Variants in HADH observed in about 807,000 individuals in gnomAD.
HADH encodes hydroxyacyl-coenzyme A dehydrogenase, mitochondrial.
A neutral mutation model predicts 32.2 loss-of-function variants in HADH; 24 were observed. That is an observed-to-expected ratio of 0.75 (90% CI 0.54 to 1.05). The LOEUF (loss-of-function observed/expected upper bound fraction) is 1.05. Among genes scored for constraint, HADH ranks in the 50% least tolerant of loss-of-function variants. HADH has a pLI of 0.00. For synonymous variants in HADH, 139 were observed against 152.5 expected, an observed-to-expected ratio of 0.91 and a Z score of 0.65; for missense variants, 350 against 397.1, an observed-to-expected ratio of 0.88 and a Z score of 1.01.
Position 108,021,083 on chromosome 4 carries a change from T to C in HADH, c.546+1417T>C, listed in dbSNP as rs867440497. Reference sequence around the variant, plus strand: ...CCCTAAGGCTGATTTTTTGAAGAAATTGAAGAATGAAGGGGAGGGATTTGG... The same window carrying C: ...CCCTAAGGCTGATTTTTTGAAGAAACTGAAGAATGAAGGGGAGGGATTTGG... On this transcript the variant is annotated intron_variant, in intron 4 of 7. Transcript: ENST00000309522. Among the ~76,000 whole-genome samples the C allele has an allele frequency of 9.2e-5, 14 of 152,216 alleles. No homozygotes were observed. In the Middle Eastern group the frequency reaches 0.014, roughly 148 times the overall value.
chr4:108,032,122 TCCC>T, intron 6 of HADH: 1 of 293,416 alleles, frequency 3.4e-6, no homozygotes, highest in Non-Finnish European at 6.0e-6. Context: ...TTAACATTTT[TCCC>T]TCTTTTCTTT....
At chr4:108,004,928 C>T in intron 1 of HADH, 1 of 1,527,166 alleles carries the variant, frequency 6.5e-7, no homozygotes. Flanking sequence ...GTAAGATGAC[C>T]CTAAACTAGT....
chr4:108,028,702 A>G (rs980795987), intron 6 of HADH: 21 of 395,572 alleles, frequency 5.3e-5, no homozygotes, highest in Non-Finnish European at 7.6e-5. Flanking sequence ...TTACACCTCA[A>G]AGAAAGCACA....
At chr4:108,008,032 A>G (rs1183991682) in intron 1 of HADH, among the ~76,000 whole-genome samples, 1 of 152,228 alleles carries the variant, frequency 6.6e-6, no homozygotes, top group Non-Finnish European at 1.5e-5. Context: ...GTTATGCTAT[A>G]GTGGTAGTTT....
In HADH at chr4:108,000,769, A is replaced by C. The variant is rs568048019; in HGVS notation, c.133-8990A>C. ...CCGGACATGTATGGCAGAGGAAACC[A>C]CATGAACAAGGGCACAGAGCCATGA... On this transcript the variant is annotated intron_variant, in intron 1 of 7. Transcript: ENST00000309522. 7.2e-5 allele frequency among the ~76,000 whole-genome samples: 11 copies of C among 152,360 alleles called. 1 individual carries two copies. The highest frequency in any genetic ancestry group is 2.6e-4 in the African/African-American group (11 of 41,590).
chr4:108,021,971 C>T (rs1735898831), intron 4 of HADH, among the ~76,000 whole-genome samples: 1 of 152,102 alleles, frequency 6.6e-6, no homozygotes, highest in South Asian at 2.1e-4. Flanking sequence ...TTATATAGCA[C>T]CTTTCATCCC....
At chr4:108,001,358 A>C (rs1297631212) in intron 1 of HADH, among the ~76,000 whole-genome samples, 1 of 152,252 alleles carries the variant, frequency 6.6e-6, no homozygotes, top group Non-Finnish European at 1.5e-5. Flanking sequence ...TATTGGAAAC[A>C]GAACCTTGAA....
intron 2 of HADH, 69 bp downstream of exon 2, chr4:108,009,956 G>T (rs1369362182): frequency 8.4e-6 from 8 of 952,082 alleles, no homozygotes; most frequent in South Asian, 1.5e-5. Flanking sequence ...GGCAATGGGG[G>T]ATTTCTGGCT....
chr4:107,997,981 A>G (rs1735006483), intron 1 of HADH, among the ~76,000 whole-genome samples: 1 of 152,186 alleles, frequency 6.6e-6, no homozygotes, highest in Admixed American at 6.5e-5. Context: ...CGTTATCAGG[A>G]GAGGCCATCA....
At position 108,023,562 on chromosome 4, in the gene HADH, A is replaced by AGGGTATGGTAAGAGTATG; in HGVS notation, c.636+1_636+2insGTATGGTAAGAGTATGGG. 1 of 1,562,718 alleles carries AGGGTATGGTAAGAGTATG rather than the reference A, an allele frequency of 6.4e-7. No homozygotes were observed. Among genetic ancestry groups the AGGGTATGGTAAGAGTATG allele is most frequent in the Non-Finnish European group, 8.8e-7 (1 of 1,133,026 alleles). ...CTAGGAAAGCATCCTGTTTCTTGCA[A>AGGGTATGGTAAGAGTATG]GGTAAGAGTATGGGTAGCTTGGGAA... On this transcript the variant is annotated inframe_insertion and splice_region_variant, in exon 5 of 8. Transcript: ENST00000309522.
At chr4:108,033,327 G>A (rs770857078) in intron 7 of HADH, 35 bp downstream of exon 7, 5 of 1,086,870 alleles carry the variant, frequency 4.6e-6, no homozygotes, top group East Asian at 2.4e-5. Context: ...CTTTAATTGA[G>A]GTAGTTTTTC....
At chr4:108,034,156 C>G in intron 7 of HADH, 83 bp from the exon 8 acceptor site, 1 of 932,924 alleles carries the variant, frequency 1.1e-6, no homozygotes, top group African/African-American at 1.6e-5. Flanking sequence ...CAGAGGCAGG[C>G]CTCCAGACTT....
At chr4:107,990,301 G>A (rs942492692) in intron 1 of HADH, among the ~76,000 whole-genome samples, 1 of 152,224 alleles carries the variant, frequency 6.6e-6, no homozygotes, top group Non-Finnish European at 1.5e-5. Context: ...GAAAATTCTG[G>A]CTGCCCCCAG....
At chr4:108,004,470 T>A in intron 1 of HADH, 1 of 379,790 alleles carries the variant, frequency 2.6e-6, no homozygotes, top group East Asian at 6.7e-5. Context: ...GCTTCCTTGC[T>A]GTCCAAGTTG....
rs940767177 is a variant in HADH at position 108,008,338 on chromosome 4, A to G, written c.133-1421A>G. Among the ~76,000 whole-genome samples the G allele has an allele frequency of 5.9e-5, 9 of 152,288 alleles. No individual in the cohort carries two copies. In the South Asian group the frequency reaches 1.9e-3, roughly 32 times the overall value. On this transcript the variant is annotated intron_variant, in intron 1 of 7. Coordinates refer to ENST00000309522, the MANE Select transcript of HADH (RefSeq NM_005327.7). Reference sequence around the variant, plus strand: ...AGCGTTTTCATGCCTTGGTTCCCAGACGGTGCTGATGCAGCCTGCAGGTCC... The same window carrying G: ...AGCGTTTTCATGCCTTGGTTCCCAGGCGGTGCTGATGCAGCCTGCAGGTCC...
Position 108,032,330 on chromosome 4 carries a change from T to G in HADH, c.710-846T>G, listed in dbSNP as rs571166681. On this transcript the variant is annotated intron_variant, in intron 6 of 7. Transcript: ENST00000309522. ...CTTGTCGTAGTCTACTCAACAGACT[T>G]CCAAACGTGTGGTGATTCTAACTCG... 6.9e-6 allele frequency: 11 copies of G among 1,596,860 alleles called. No homozygotes were observed. The Admixed American group carries it at 1.8e-4, about 27-fold the overall frequency.
intron 1 of HADH, among the ~76,000 whole-genome samples, chr4:108,000,864 A>G (rs187614269): frequency 1.3e-5 from 2 of 152,322 alleles, no homozygotes; most frequent in East Asian, 3.9e-4. Flanking sequence ...TACCGTCCAA[A>G]GCATTTGTTA....
intron 1 of HADH, among the ~76,000 whole-genome samples, chr4:108,002,165 G>A (rs1449049653): frequency 6.6e-6 from 1 of 152,156 alleles, no homozygotes; most frequent in Non-Finnish European, 1.5e-5. Flanking sequence ...CTCCAGAGCA[G>A]GGGTCCCCAA....
intron 5 of HADH, chr4:108,025,044 CT>C (rs1736014731): frequency 6.6e-6 from 1 of 152,186 alleles, no homozygotes; most frequent in South Asian, 2.1e-4. Flanking sequence ...CAGCAAACTT[CT>C]GTAAAGGACC....
Sources: gnomAD v4.1 joint callset for allele counts (sites outside exome capture counted in the v4.1 genomes callset) on GRCh38, gnomAD v4.1.1 for gene constraint, MANE v1.5 for transcripts, NCBI Gene and HGNC (gene_info 2026-07-23, HGNC 2026-07-21) for gene names.